The following POPDC1 variants were observed in gnomAD, a reference collection of about 807,000 sequenced individuals.
POPDC1 encodes the protein popeye domain-containing protein 1.
At chr6:105,117,026 C>A in the POPDC1 span, among the ~76,000 whole-genome samples, 1 of 152,168 alleles carries the variant, frequency 6.6e-6, no homozygotes, top group African/African-American at 2.4e-5. Flanking sequence ...CAAGCTTCTA[C>A]ACGTATAAAA....
At chr6:105,123,971 GA>G in the POPDC1 span, among the ~76,000 whole-genome samples, 4 of 151,570 alleles carry the variant, frequency 2.6e-5, no homozygotes, top group East Asian at 5.8e-4. Flanking sequence ...GTTTTCTATA[GA>G]AAAAATTATA....
At chr6:105,115,956 G>GTAT in the POPDC1 span, 3 of 773,784 alleles carry the variant, frequency 3.9e-6, no homozygotes, top group Non-Finnish European at 5.7e-6. Flanking sequence ...TACATATTAG[G>GTAT]TGGCCAATAA....
At chr6:105,110,127 G>A in the POPDC1 span, among the ~76,000 whole-genome samples, 1 of 152,138 alleles carries the variant, frequency 6.6e-6, no homozygotes, top group Non-Finnish European at 1.5e-5. Context: ...GGGGAGACAT[G>A]GTCATATTCC....
the POPDC1 span, among the ~76,000 whole-genome samples, chr6:105,109,696 G>A: frequency 2.2e-5 from 3 of 138,622 alleles, no homozygotes; most frequent in East Asian, 2.3e-4. Flanking sequence ...CCTGGGAGGC[G>A]GAAGATGCGG....
chr6:105,110,882 C>T, the POPDC1 span, among the ~76,000 whole-genome samples: 10 of 152,222 alleles, frequency 6.6e-5, no homozygotes, highest in Middle Eastern at 3.4e-3. Flanking sequence ...GAGGGGGTCT[C>T]GCTATGTTGC....
At chr6:105,108,492 G>GA in the POPDC1 span, among the ~76,000 whole-genome samples, 1 of 152,108 alleles carries the variant, frequency 6.6e-6, no homozygotes, top group Non-Finnish European at 1.5e-5. Context: ...GAGACTTGAA[G>GA]AAAAAATGAA....
chr6:105,107,922 G>A, the POPDC1 span, among the ~76,000 whole-genome samples: 1 of 152,060 alleles, frequency 6.6e-6, no homozygotes, highest in Non-Finnish European at 1.5e-5. Context: ...ATACTAAAGA[G>A]TAGCTTTGGC....
chr6:105,133,742 A>G, the POPDC1 span, among the ~76,000 whole-genome samples: 2 of 152,326 alleles, frequency 1.3e-5, no homozygotes, highest in Middle Eastern at 3.4e-3. Context: ...CAACTCTGTC[A>G]CATATTAAAT....
chr6:105,124,546 C>T, the POPDC1 span: 2 of 1,579,730 alleles, frequency 1.3e-6, no homozygotes, highest in East Asian at 2.2e-5. Flanking sequence ...TGAAAACATA[C>T]CTGGAATTTT....
At chr6:105,110,670 T>C in the POPDC1 span, among the ~76,000 whole-genome samples, 2 of 142,358 alleles carry the variant, frequency 1.4e-5, no homozygotes, top group Non-Finnish European at 3.1e-5. Context: ...ATGACATTAG[T>C]AGGCTGTCCA....
At chr6:105,103,334 GGACTTAAT>G in the POPDC1 span, among the ~76,000 whole-genome samples, 4 of 152,100 alleles carry the variant, frequency 2.6e-5, no homozygotes, top group Non-Finnish European at 4.4e-5. Flanking sequence ...GGAAGGCTAT[GGACTTAAT>G]AATGAGAAAA....
At chr6:105,113,014 T>C in the POPDC1 span, among the ~76,000 whole-genome samples, 29 of 151,976 alleles carry the variant, frequency 1.9e-4, no homozygotes, top group Admixed American at 1.3e-3. Flanking sequence ...CACTGCAACC[T>C]TGACTTCCCC....
At chr6:105,133,876 C>T in the POPDC1 span, among the ~76,000 whole-genome samples, 8 of 152,204 alleles carry the variant, frequency 5.3e-5, no homozygotes, top group African/African-American at 1.2e-4. Context: ...CACATATATA[C>T]GTATAAACAC....
the POPDC1 span, chr6:105,125,558 G>A: frequency 6.2e-7 from 1 of 1,613,948 alleles, no homozygotes; most frequent in Non-Finnish European, 8.5e-7. Flanking sequence ...ACATGCCACT[G>A]AGTTCCTTTT....
chr6:105,120,441 G>A, the POPDC1 span, among the ~76,000 whole-genome samples: 1 of 152,154 alleles, frequency 6.6e-6, no homozygotes, highest in Non-Finnish European at 1.5e-5. Context: ...TATTTTTTAT[G>A]AGAATATCTT....
chr6:105,100,384 C>A, the POPDC1 span: 1 of 152,082 alleles, frequency 6.6e-6, no homozygotes, highest in East Asian at 1.9e-4. Flanking sequence ...GTGGCAGGTG[C>A]CTGTAGTCCC....
chr6:105,113,288 C>T, the POPDC1 span, among the ~76,000 whole-genome samples: 2 of 152,072 alleles, frequency 1.3e-5, no homozygotes, highest in South Asian at 2.1e-4. Flanking sequence ...GAACCAGCCC[C>T]CATGGAAGAG....
the POPDC1 span, chr6:105,116,647 A>G: frequency 7.1e-7 from 1 of 1,408,916 alleles, no homozygotes. Flanking sequence ...TCATAAAGTG[A>G]AATATACCTC....
At chr6:105,125,384 C>T in the POPDC1 span, 1 of 1,613,884 alleles carries the variant, frequency 6.2e-7, no homozygotes. Context: ...TTCCACAGAA[C>T]ACTTACTTTC....
Sources: allele counts gnomAD v4.1 joint callset (sites outside exome capture counted in the v4.1 genomes callset), GRCh38; gene constraint gnomAD v4.1.1; transcripts MANE v1.5; gene names NCBI Gene and HGNC (gene_info 2026-07-23, HGNC 2026-07-21).